TMTC2: variants seen among roughly 807,000 people sequenced by gnomAD.
The protein encoded by TMTC2 is protein O-mannosyl-transferase TMTC2.
TMTC2 carries 43 observed loss-of-function variants against 82.4 expected under a neutral mutation model. That is an observed-to-expected ratio of 0.52 (90% confidence interval 0.41 to 0.67). The LOEUF (loss-of-function observed/expected upper bound fraction) is 0.67, where lower values mean the gene tolerates loss of function less well. TMTC2 is among the 30% of genes least tolerant of loss of function. TMTC2 has a pLI of 0.00. For missense variants in TMTC2, 919 were observed against 1,012.4 expected (o/e 0.91, Z 1.25); for synonymous variants, 408 against 381.9 (o/e 1.07, Z -0.80).
At chr12:83,040,247 T>C (rs1881837408) in intron 9 of TMTC2, among the ~76,000 whole-genome samples, 1 of 152,202 alleles carries the variant, frequency 6.6e-6, no homozygotes, top group Admixed American at 6.5e-5. Flanking sequence ...AATATCCTTG[T>C]TCTTTCAAAG....
chr12:82,862,800 A>T (rs1871614638), intron 2 of TMTC2, among the ~76,000 whole-genome samples: 1 of 152,232 alleles, frequency 6.6e-6, no homozygotes, highest in Non-Finnish European at 1.5e-5. Context: ...CTACATCCAG[A>T]TAATAGTGTT....
intron 2 of TMTC2, among the ~76,000 whole-genome samples, chr12:82,871,791 T>G (rs2137137754): frequency 6.6e-6 from 1 of 151,428 alleles, no homozygotes; most frequent in African/African-American, 2.4e-5. Flanking sequence ...TTCTCCTCAA[T>G]GCTGCTCATG....
At chr12:82,688,412 G>A (rs1336288164) in intron 1 of TMTC2, among the ~76,000 whole-genome samples, 2 of 152,100 alleles carry the variant, frequency 1.3e-5, no homozygotes, top group Non-Finnish European at 2.9e-5. Context: ...GGTTAGTTTG[G>A]GTGGCTAATG....
chr12:82,937,590 A>C (rs1366303727), intron 4 of TMTC2, among the ~76,000 whole-genome samples: 2 of 151,896 alleles, frequency 1.3e-5, no homozygotes, highest in Non-Finnish European at 2.9e-5. Flanking sequence ...CCCTGTTAGT[A>C]GCTTCAGTGT....
rs1204593315 is a variant in TMTC2, at chr12:82,966,908, T to C, written c.1870-11T>C. 1 of 1,595,972 alleles carries C rather than the reference T, an allele frequency of 6.3e-7. No homozygotes were observed. The highest frequency in any genetic ancestry group is 8.5e-7 in the Non-Finnish European group (1 of 1,169,838). ...TGATGATTTATCTATTTTTTTTGTT[T>C]TATAAATTAGGAAGCCCTTAGTGTA... On this transcript the variant is annotated splice_polypyrimidine_tract_variant and intron_variant, in intron 6 of 11. Transcript: ENST00000321196.
chr12:82,805,277 A>T (rs1388338038), intron 1 of TMTC2, among the ~76,000 whole-genome samples: 1 of 152,160 alleles, frequency 6.6e-6, no homozygotes, highest in Non-Finnish European at 1.5e-5. Flanking sequence ...GCATGCCAGG[A>T]CAAATATTTA....
chr12:82,778,103 A>ACT (rs1877692547), intron 1 of TMTC2, among the ~76,000 whole-genome samples: 1 of 151,928 alleles, frequency 6.6e-6, no homozygotes, highest in African/African-American at 2.4e-5. Context: ...CTTCAGTATT[A>ACT]CTCTAGTCTT....
intron 11 of TMTC2, among the ~76,000 whole-genome samples, chr12:83,079,171 T>C (rs1411828131): frequency 6.6e-6 from 1 of 152,132 alleles, no homozygotes; most frequent in Non-Finnish European, 1.5e-5. Flanking sequence ...TATTTTTTTT[T>C]CTTATTCATC....
intron 1 of TMTC2, among the ~76,000 whole-genome samples, 175 bp from the exon 2 acceptor site, chr12:82,856,835 G>A (rs543220035): frequency 6.6e-6 from 1 of 152,104 alleles, no homozygotes; most frequent in Non-Finnish European, 1.5e-5. Flanking sequence ...AACCCTCATT[G>A]TGGTTTTAGT....
chr12:82,847,555 T>C (rs1357914531), intron 1 of TMTC2, among the ~76,000 whole-genome samples: 1 of 152,066 alleles, frequency 6.6e-6, no homozygotes, highest in African/African-American at 2.4e-5. Context: ...CAAATGCCCA[T>C]CAGTGATAAA....
intron 1 of TMTC2, among the ~76,000 whole-genome samples, chr12:82,692,155 A>T (rs1592851354): frequency 6.6e-6 from 1 of 152,290 alleles, no homozygotes; most frequent in African/African-American, 2.4e-5. Flanking sequence ...CATTGAATGG[A>T]CATGTGCAAA....
chr12:83,011,123 C>T (rs1273543996), intron 8 of TMTC2, among the ~76,000 whole-genome samples: 1 of 152,230 alleles, frequency 6.6e-6, no homozygotes, highest in African/African-American at 2.4e-5. Context: ...GCATGAGCCA[C>T]TGCGCCCGGC....
intron 8 of TMTC2, among the ~76,000 whole-genome samples, chr12:83,025,260 G>T (rs143262429): frequency 2.0e-5 from 3 of 151,970 alleles, no homozygotes; most frequent in Non-Finnish European, 4.4e-5. Context: ...ACTGGTTATT[G>T]TATTTATGGA....
chr12:82,959,505 C>A (rs1877799364), intron 4 of TMTC2, among the ~76,000 whole-genome samples: 1 of 151,988 alleles, frequency 6.6e-6, no homozygotes, highest in African/African-American at 2.4e-5. Flanking sequence ...AACCTGGAAT[C>A]CAGAAATAAA....
rs543768472 is a variant in TMTC2 at position 83,025,346 on chromosome 12, TA to T, written c.2071-5451del. 1.6e-3 allele frequency among the ~76,000 whole-genome samples: 237 copies of T among 151,282 alleles called. 2 individuals are homozygous for T. Among genetic ancestry groups the T allele is most frequent in the African/African-American group, 5.3e-3 (217 of 41,326 alleles). On this transcript the variant is annotated intron_variant, in intron 8 of 11. Coordinates refer to ENST00000321196, the MANE Select transcript of TMTC2 (RefSeq NM_152588.3). Reference sequence around the variant, plus strand: ...AACACGATTAATGCACTATTTACATTAGGGGAAAAAGTATATATATGTATAT... The same window carrying T: ...AACACGATTAATGCACTATTTACATTGGGGAAAAAGTATATATATGTATAT...
At chr12:83,015,453 C>T (rs1000330737) in intron 8 of TMTC2, among the ~76,000 whole-genome samples, 2 of 152,164 alleles carry the variant, frequency 1.3e-5, no homozygotes, top group African/African-American at 4.8e-5. Context: ...AATTAATCTG[C>T]ACAATGTGAT....
intron 1 of TMTC2, among the ~76,000 whole-genome samples, chr12:82,799,282 C>T (rs181883079): frequency 1.3e-5 from 2 of 152,238 alleles, no homozygotes; most frequent in Non-Finnish European, 1.5e-5. Flanking sequence ...TCACTTGACT[C>T]TCTTGGTTCC....
At chr12:82,705,347 A>G (rs1873301179) in intron 1 of TMTC2, among the ~76,000 whole-genome samples, 1 of 152,216 alleles carries the variant, frequency 6.6e-6, no homozygotes, top group African/African-American at 2.4e-5. Flanking sequence ...AAAAAATTCA[A>G]AAAAAGAAAA....
At chr12:83,115,085 C>T (rs1592502472) in intron 11 of TMTC2, among the ~76,000 whole-genome samples, 2 of 152,002 alleles carry the variant, frequency 1.3e-5, no homozygotes, top group South Asian at 4.2e-4. Flanking sequence ...GTGACAGGTT[C>T]CAATTCCTTG....
Sources: allele counts gnomAD v4.1 joint callset (sites outside exome capture counted in the v4.1 genomes callset), GRCh38; gene constraint gnomAD v4.1.1; transcripts MANE v1.5; gene names NCBI Gene and HGNC (gene_info 2026-07-23, HGNC 2026-07-21).